The following SMYD3 variants were observed in gnomAD, a reference collection of about 807,000 sequenced individuals.
SMYD3 encodes the protein histone-lysine N-methyltransferase SMYD3.
A neutral mutation model predicts 57.7 loss-of-function variants in SMYD3; 36 were observed. The ratio of observed to expected loss-of-function variants is 0.62; its 90% confidence interval spans 0.48 to 0.82. The LOEUF (loss-of-function observed/expected upper bound fraction) is 0.82, where lower values mean the gene tolerates loss of function less well. Ranked by LOEUF, SMYD3 falls within the 40% of genes least tolerant of loss-of-function variation. The probability of loss-of-function intolerance (pLI) is 0.00; values close to 1 mark genes in which losing one functional copy is unlikely to be tolerated. For missense variants in SMYD3, 515 were observed against 538.8 expected, an observed-to-expected ratio of 0.96 and a Z score of 0.44; for synonymous variants, 211 against 195.0, an observed-to-expected ratio of 1.08 and a Z score of -0.68.
rs576756465 is a variant in SMYD3 at position 245,816,870 on chromosome 1, T to C, written c.1076+41626A>G. 5.3e-5 allele frequency among the ~76,000 whole-genome samples: 8 copies of C among 149,850 alleles called. No individual in the cohort carries two copies. In the East Asian group the frequency reaches 1.2e-3, roughly 22 times the overall value. On this transcript the variant is annotated intron_variant, in intron 10 of 11. Coordinates refer to ENST00000490107, the MANE Select transcript of SMYD3 (RefSeq NM_001167740.2). The stretch of plus-strand genomic sequence containing the variant: ...TAAAAAACGGCGCACCACGAGATTA[T>C]ATCCCGCATCTGGCTCGGAGGGTCC...
At chr1:245,774,328 G>A (rs1007557157) in intron 10 of SMYD3, among the ~76,000 whole-genome samples, 3 of 152,100 alleles carry the variant, frequency 2.0e-5, no homozygotes, top group African/African-American at 7.2e-5. Context: ...CATGATTGCC[G>A]GTAACAGAAG....
intron 1 of SMYD3, among the ~76,000 whole-genome samples, chr1:246,361,147 A>T (rs1463385905): frequency 2.6e-5 from 4 of 152,246 alleles, no homozygotes; most frequent in African/African-American, 9.6e-5. Context: ...ACATGGACAG[A>T]CAATTCTCAA....
intron 1 of SMYD3, among the ~76,000 whole-genome samples, chr1:246,357,217 G>A (rs1348946450): frequency 6.6e-6 from 1 of 152,178 alleles, no homozygotes; most frequent in African/African-American, 2.4e-5. Flanking sequence ...GATGAGACTG[G>A]AAGTCGGCAC....
chr1:245,887,935 T>C (rs2053176400), intron 8 of SMYD3, among the ~76,000 whole-genome samples: 1 of 151,952 alleles, frequency 6.6e-6, no homozygotes, highest in African/African-American at 2.4e-5. Context: ...GAGATGAAAA[T>C]GGTAATTATG....
intron 5 of SMYD3, among the ~76,000 whole-genome samples, chr1:246,150,726 G>A (rs1290312241): frequency 6.6e-6 from 1 of 152,124 alleles, no homozygotes; most frequent in South Asian, 2.1e-4. Flanking sequence ...CAGGGGTTGG[G>A]GGGACATGGA....
At chr1:246,447,400 T>A (rs2067564771) in intron 1 of SMYD3, among the ~76,000 whole-genome samples, 1 of 152,244 alleles carries the variant, frequency 6.6e-6, no homozygotes, top group Non-Finnish European at 1.5e-5. Context: ...AGAAAAATTC[T>A]TGGCTATAAA....
At chr1:246,304,482 C>G (rs986369117) in intron 5 of SMYD3, among the ~76,000 whole-genome samples, 10 of 151,862 alleles carry the variant, frequency 6.6e-5, no homozygotes, top group Non-Finnish European at 1.2e-4. Context: ...TGACCAGCAA[C>G]TGAAAATATG....
intron 1 of SMYD3, among the ~76,000 whole-genome samples, chr1:246,471,893 C>G (rs969365023): frequency 6.6e-6 from 1 of 152,060 alleles, no homozygotes; most frequent in Admixed American, 6.6e-5. Context: ...AGCTAATTAG[C>G]AGGAAGCACA....
chr1:245,831,527 C>T (rs2049832472), intron 10 of SMYD3, among the ~76,000 whole-genome samples: 1 of 152,228 alleles, frequency 6.6e-6, no homozygotes, highest in Non-Finnish European at 1.5e-5. Flanking sequence ...TTGAAGTTTC[C>T]ATCAGTGAGA....
At chr1:246,088,990 C>T (rs1197332113) in intron 5 of SMYD3, among the ~76,000 whole-genome samples, 1 of 151,934 alleles carries the variant, frequency 6.6e-6, no homozygotes, top group African/African-American at 2.4e-5. Flanking sequence ...TTGAGATGAT[C>T]TTTTATTTTT....
intron 1 of SMYD3, among the ~76,000 whole-genome samples, chr1:246,479,651 G>A (rs933042113): frequency 2.6e-5 from 4 of 152,056 alleles, no homozygotes; most frequent in Admixed American, 2.6e-4. Context: ...GGAACTACAG[G>A]TGTGTGCCAC....
intron 5 of SMYD3, among the ~76,000 whole-genome samples, chr1:246,050,510 T>C (rs766244290): frequency 3.9e-5 from 6 of 152,138 alleles, no homozygotes; most frequent in Non-Finnish European, 7.3e-5. Context: ...CCAAGGTATA[T>C]AAATGAAGAA....
chr1:246,259,065 T>A (rs1044487530), intron 5 of SMYD3, among the ~76,000 whole-genome samples: 2 of 152,212 alleles, frequency 1.3e-5, no homozygotes, highest in African/African-American at 4.8e-5. Context: ...ATTCCAGAAC[T>A]GGTTGATTTC....
At chr1:246,008,962 A>T (rs1158694145) in intron 5 of SMYD3, among the ~76,000 whole-genome samples, 1 of 152,222 alleles carries the variant, frequency 6.6e-6, no homozygotes, top group Non-Finnish European at 1.5e-5. Context: ...TTCAAGTGCC[A>T]GCCGTACCGC....
At chr1:245,991,083 C>T (rs2058804444) in intron 5 of SMYD3, among the ~76,000 whole-genome samples, 1 of 152,272 alleles carries the variant, frequency 6.6e-6, no homozygotes, top group Non-Finnish European at 1.5e-5. Context: ...TCAAACATTC[C>T]TCTTATATTC....
chr1:246,199,861 T>A (rs1035890480), intron 5 of SMYD3, among the ~76,000 whole-genome samples: 18 of 152,346 alleles, frequency 1.2e-4, no homozygotes, highest in Non-Finnish European at 2.4e-4. Flanking sequence ...TGAACAAGAA[T>A]GTACACAGAC....
At chr1:246,233,905 A>C (rs2063468242) in intron 5 of SMYD3, among the ~76,000 whole-genome samples, 1 of 127,902 alleles carries the variant, frequency 7.8e-6, no homozygotes, top group Non-Finnish European at 1.6e-5. Context: ...ATGAACATAT[A>C]CCACGCAGAG....
At chr1:245,857,549 C>G (rs2362592) in intron 10 of SMYD3, among the ~76,000 whole-genome samples, 84,383 of 151,812 alleles carry the variant, frequency 0.56, 26,643 homozygotes, top group Non-Finnish European at 0.73. Flanking sequence ...TTTGCACAGT[C>G]TGCAAAGCTG....
intron 1 of SMYD3, among the ~76,000 whole-genome samples, chr1:246,479,502 A>AT (rs35818746): frequency 0.5 from 52,972 of 106,736 alleles, 15,145 homozygotes; most frequent in Admixed American, 0.61. Context: ...AAAAAGCGGG[A>AT]TTTTTTTTTT....
Sources: gnomAD v4.1 joint callset for allele counts (sites outside exome capture counted in the v4.1 genomes callset) on GRCh38, gnomAD v4.1.1 for gene constraint, MANE v1.5 for transcripts, NCBI Gene and HGNC (gene_info 2026-07-23, HGNC 2026-07-21) for gene names.